PFKFB3: variants seen among roughly 807,000 people sequenced by gnomAD.
PFKFB3 encodes 6-phosphofructo-2-kinase/fructose-2,6-biphosphatase 3.
In PFKFB3, 33 loss-of-function variants were observed where a neutral mutation model predicts 68.0. The ratio of observed to expected loss-of-function variants is 0.49; its 90% confidence interval spans 0.37 to 0.65. The LOEUF is 0.65. Among genes scored for constraint, PFKFB3 ranks in the 30% least tolerant of loss-of-function variants. The probability of loss-of-function intolerance (pLI) is 0.00; values close to 1 mark genes in which losing one functional copy is unlikely to be tolerated. For missense variants in PFKFB3, 586 were observed against 712.2 expected (o/e 0.82, Z 2.02); for synonymous variants, 315 against 288.2 (o/e 1.09, Z -0.94).
At chr10:6,274,361 T>C in the PFKFB3 span, among the ~76,000 whole-genome samples, 2 of 152,178 alleles carry the variant, frequency 1.3e-5, no homozygotes, top group Non-Finnish European at 2.9e-5. Flanking sequence ...CTTAGAATAA[T>C]GTTTACATTT....
rs565270243 is a variant in PFKFB3, at chr10:6,215,473, C to T, written c.299+156C>T. On this transcript the variant is annotated intron_variant, in intron 3 of 14. Coordinates refer to ENST00000379775, the MANE Select transcript of PFKFB3 (RefSeq NM_004566.4). The surrounding 1 kb of genome is among the most constrained non-coding windows in gnomAD (Gnocchi z 4.3). ...GGGCTGCGGGTGTAAGGCTGGGCTG[C>T]GGGCTTGGGCTTGCTTTGTTCTGAG... Among the ~76,000 whole-genome samples the T allele has an allele frequency of 1.1e-4, 16 of 151,936 alleles. 1 individual carries two copies. In the East Asian group the frequency reaches 1.7e-3, roughly 17 times the overall value.
At chr10:6,239,340 T>C (rs978167971), downstream of PFKFB3, among the ~76,000 whole-genome samples, 1 of 152,216 alleles carries the variant, frequency 6.6e-6, no homozygotes, top group Non-Finnish European at 1.5e-5. Context: ...CAGCCATAAC[T>C]GAGATAAACC....
the PFKFB3 span, among the ~76,000 whole-genome samples, chr10:6,323,904 G>C: frequency 2.0e-5 from 3 of 152,148 alleles, no homozygotes; most frequent in Non-Finnish European, 4.4e-5. Flanking sequence ...TTCTACTTCT[G>C]GGCATATACC....
chr10:6,262,326 T>G, the PFKFB3 span, among the ~76,000 whole-genome samples: 1 of 147,298 alleles, frequency 6.8e-6, no homozygotes, highest in Admixed American at 6.8e-5. Context: ...GGGTGGGGGG[T>G]GCCTGTAGTC....
intron 1 of PFKFB3, among the ~76,000 whole-genome samples, chr10:6,178,957 C>T (rs778942329): frequency 4.3e-4 from 65 of 152,322 alleles, no homozygotes; most frequent in African/African-American, 4.6e-4. Flanking sequence ...CGGGGTCCTC[C>T]GCAGGTGATT....
At chr10:6,289,682 A>T in the PFKFB3 span, among the ~76,000 whole-genome samples, 81 of 152,280 alleles carry the variant, frequency 5.3e-4, no homozygotes, top group African/African-American at 1.7e-3. Flanking sequence ...TGACTTGGCG[A>T]TGCGGGCTCT....
chr10:6,278,272 A>AT, the PFKFB3 span, among the ~76,000 whole-genome samples: 94 of 146,216 alleles, frequency 6.4e-4, no homozygotes, highest in Middle Eastern at 3.8e-3. Context: ...GCCATTGTTG[A>AT]TTTTTTTTTG....
At chr10:6,289,988 T>C in the PFKFB3 span, among the ~76,000 whole-genome samples, 1 of 152,302 alleles carries the variant, frequency 6.6e-6, no homozygotes, top group Admixed American at 6.5e-5. Flanking sequence ...AGTTCACTCA[T>C]GATTTGGCTC....
intron 1 of PFKFB3, among the ~76,000 whole-genome samples, chr10:6,147,409 C>T (rs1395581342): frequency 6.6e-6 from 1 of 152,176 alleles, no homozygotes; most frequent in African/African-American, 2.4e-5. Flanking sequence ...ACTGTGGATT[C>T]CCTCCCCAGG....
At chr10:6,196,927 G>A (rs1843193010) in intron 1 of PFKFB3, among the ~76,000 whole-genome samples, 1 of 150,542 alleles carries the variant, frequency 6.6e-6, no homozygotes, top group Non-Finnish European at 1.5e-5. Context: ...ACAGGCCTGA[G>A]CCACTGTACC....
intron 1 of PFKFB3, among the ~76,000 whole-genome samples, chr10:6,180,516 G>T (rs913683427): frequency 1.3e-5 from 2 of 152,166 alleles, no homozygotes; most frequent in Admixed American, 6.6e-5. Context: ...CCAAGCTGGA[G>T]TACAGTGGCT....
At chr10:6,323,149 T>C in the PFKFB3 span, among the ~76,000 whole-genome samples, 2 of 152,228 alleles carry the variant, frequency 1.3e-5, no homozygotes, top group African/African-American at 4.8e-5. Context: ...GCAGAACCCA[T>C]TGGATATATC....
At chr10:6,145,128 G>A (rs1046346211) in intron 1 of PFKFB3, 1 of 865,790 alleles carries the variant, frequency 1.2e-6, no homozygotes, top group Non-Finnish European at 1.5e-6. Context: ...GTGCACCCGG[G>A]CTGCGGCGGT....
the PFKFB3 span, among the ~76,000 whole-genome samples, chr10:6,267,411 T>G: frequency 6.6e-6 from 1 of 152,216 alleles, no homozygotes; most frequent in African/African-American, 2.4e-5. Flanking sequence ...CATGTGTACT[T>G]GGCTAATACA....
At chr10:6,317,392 G>C in the PFKFB3 span, among the ~76,000 whole-genome samples, 1 of 152,180 alleles carries the variant, frequency 6.6e-6, no homozygotes, top group Non-Finnish European at 1.5e-5. Context: ...AAGCAGGAGA[G>C]CTGACATTGG....
rs3084010 is a variant in PFKFB3, at chr10:6,220,942, GTGCTGCTGC to G, written c.831+97_831+105del. 992 of 887,114 alleles carry G rather than the reference GTGCTGCTGC, an allele frequency of 1.1e-3. 8 individuals carry two copies. The African/African-American group carries it at 0.014, about 13-fold the overall frequency. 55.0% of individuals were successfully genotyped at this position (887,114 alleles called of 1,614,324 possible). A position where few individuals can be genotyped will look rare whatever the true frequency, so the allele number is the denominator to read the frequency against. On this transcript the variant is annotated intron_variant, in intron 8 of 14. Coordinates refer to ENST00000379775, the MANE Select transcript of PFKFB3 (RefSeq NM_004566.4). The surrounding 1 kb of genome is among the most constrained non-coding windows in gnomAD (Gnocchi z 4.1). ...GTCTATAGGGTGGGTGGGGAGCTGT[GTGCTGCTGC>G]TGCTGCTGCTGCTGCTGCTTGGTGT...
exon 1 of PFKFB3, chr10:6,144,987 C>T: frequency 3.0e-6 from 4 of 1,317,194 alleles, no homozygotes; most frequent in Non-Finnish European, 3.9e-6. Flanking sequence ...GCGGGGAGCG[C>T]CCCCGGCGCG....
At chr10:6,227,436 C>T (rs57011859) in intron 14 of PFKFB3, among the ~76,000 whole-genome samples, 1,948 of 152,278 alleles carry the variant, frequency 0.013, 42 homozygotes, top group African/African-American at 0.044. Context: ...CCGCCTTTTC[C>T]GAGACTTCCT....
At chr10:6,166,002 C>T (rs554923090) in intron 1 of PFKFB3, among the ~76,000 whole-genome samples, 3 of 133,848 alleles carry the variant, frequency 2.2e-5, no homozygotes, top group Admixed American at 1.7e-4. Context: ...TTTTTTGAGA[C>T]GAAGTCTCAC....
Sources: gnomAD v4.1 joint callset for allele counts (sites outside exome capture counted in the v4.1 genomes callset) on GRCh38, gnomAD v4.1.1 for gene constraint, Gnocchi (gnomAD v3.1) non-coding constraint, MANE v1.5 for transcripts, NCBI Gene and HGNC (gene_info 2026-07-23, HGNC 2026-07-21) for gene names.